The following CCDC125 variants were observed in gnomAD, a reference collection of about 807,000 sequenced individuals.
The protein encoded by CCDC125 is coiled-coil domain containing 125.
A neutral mutation model predicts 57.4 loss-of-function variants in CCDC125; 43 were observed. That is an observed-to-expected ratio of 0.75 (90% CI 0.59 to 0.97). The LOEUF (loss-of-function observed/expected upper bound fraction) is 0.97. Ranked by LOEUF, CCDC125 falls within the 50% of genes least tolerant of loss-of-function variation. CCDC125 has a pLI of 0.00. For synonymous variants in CCDC125, 187 were observed against 195.2 expected, an observed-to-expected ratio of 0.96 and a Z score of 0.35; for missense variants, 563 against 595.7, an observed-to-expected ratio of 0.95 and a Z score of 0.57.
intron 1 of CCDC125, among the ~76,000 whole-genome samples, chr5:69,325,825 C>CAAAAA (rs70992925): frequency 2.8e-5 from 1 of 35,634 alleles, no homozygotes; most frequent in African/African-American, 9.8e-5. Context: ...CCCTCTGTCT[C>CAAAAA]AAAAAAAAAA....
downstream of CCDC125, chr5:69,280,049 T>C (rs1300248934): frequency 6.6e-6 from 1 of 152,138 alleles, no homozygotes; most frequent in Non-Finnish European, 1.5e-5. Flanking sequence ...ACCACCCCCA[T>C]GATCCAGTCA....
chr5:69,315,060 A>G (rs1431300874), intron 2 of CCDC125, among the ~76,000 whole-genome samples: 1 of 152,014 alleles, frequency 6.6e-6, no homozygotes, highest in East Asian at 1.9e-4. Flanking sequence ...GTTCAAGGCC[A>G]GCTTGGCCAA....
At chr5:69,304,195 C>A (rs1166768906) in intron 6 of CCDC125, among the ~76,000 whole-genome samples, 3 of 151,382 alleles carry the variant, frequency 2.0e-5, no homozygotes, top group Non-Finnish European at 4.4e-5. Flanking sequence ...ACCTCCACCT[C>A]TTGGGTTCAA....
rs1757597870 is a variant in CCDC125, at chr5:69,307,961, GAT to G, written c.519_520del (p.Arg173SerfsTer16). On this transcript the variant is annotated frameshift_variant, in exon 5 of 12. Transcript: ENST00000396496. LOFTEE classifies it high-confidence loss of function. The stretch of plus-strand genomic sequence containing the variant: ...AAAAGCACCAAATACCTTCTCCAAG[GAT>G]CTGTTTTGTTCCATAGTTTTTTGAA... The G allele has an allele frequency of 1.9e-6, 3 of 1,612,872 alleles. No individual in the cohort carries two copies. The South Asian group carries it at 3.3e-5, about 18-fold the overall frequency.
chr5:69,275,505 T>C (rs183091519), downstream of CCDC125, among the ~76,000 whole-genome samples: 27 of 152,256 alleles, frequency 1.8e-4, no homozygotes, highest in Admixed American at 1.5e-3. Context: ...AGCTCATAAT[T>C]AGTATAGGTT....
In CCDC125 at chr5:69,309,042, A is replaced by C. The variant is rs2150499162; in HGVS notation, c.454-1014T>G. 1.3e-5 allele frequency: 2 copies of C among 152,716 alleles called. 1 individual carries two copies. The highest frequency in any genetic ancestry group is 4.1e-4 in the South Asian group (2 of 4,840). The allele number at this position is 152,716 out of a possible 1,614,324, so 9.5% of individuals were successfully genotyped here. ...GGTGGAAGAAATTTCTAAGCAGCAA[A>C]GCATTCAAGAGATGGCTTGGGTACT... On this transcript the variant is annotated intron_variant, in intron 4 of 11. Coordinates refer to ENST00000396496, the MANE Select transcript of CCDC125 (RefSeq NM_176816.5).
Position 69,320,504 on chromosome 5 carries a change from C to T in CCDC125, c.37G>A (p.Val13Met), listed in dbSNP as rs10471774. Residue 13 changes from valine to methionine, a missense_variant, in exon 2 of 12, where the codon GTG becomes ATG. Coordinates refer to ENST00000396496, the MANE Select transcript of CCDC125 (RefSeq NM_176816.5). Reference sequence around the variant, plus strand: ...TCCTCTTCTGTTTCCCAGAGCTGCACGTCTGACTCACTTGATGATCTTGCC... The same window carrying T: ...TCCTCTTCTGTTTCCCAGAGCTGCATGTCTGACTCACTTGATGATCTTGCC... ...KVARSSSESD[V>M]QLWETEEDDM... The T allele has an allele frequency of 0.42, 671,729 of 1,611,824 alleles. 146,430 individuals carry two copies. Among genetic ancestry groups the T allele is most frequent in the Non-Finnish European group, 0.46 (540,958 of 1,178,616 alleles).
At chr5:69,286,653 T>C (rs1753537727) in intron 10 of CCDC125, among the ~76,000 whole-genome samples, 2 of 152,194 alleles carry the variant, frequency 1.3e-5, no homozygotes, top group South Asian at 2.1e-4. Context: ...TTGATGTCCT[T>C]CTTCATCCAT....
chr5:69,313,951 A>AACTGATAAT, intron 3 of CCDC125, 34 bp downstream of exon 3: 2 of 1,496,858 alleles, frequency 1.3e-6, no homozygotes, highest in Non-Finnish European at 1.9e-6. Context: ...GACCCAGCTA[A>AACTGATAAT]ACTGATAATT....
chr5:69,316,779 C>A (rs956033087), intron 2 of CCDC125, among the ~76,000 whole-genome samples: 3 of 152,044 alleles, frequency 2.0e-5, no homozygotes, highest in African/African-American at 7.2e-5. Flanking sequence ...TCCCAAAATG[C>A]TGGGATTATA....
At chr5:69,273,858 A>G in the CCDC125 span, among the ~76,000 whole-genome samples, 7 of 152,164 alleles carry the variant, frequency 4.6e-5, no homozygotes, top group Admixed American at 3.3e-4. Flanking sequence ...CTTTTTAGCA[A>G]TGTGTGCTAT....
At chr5:69,277,763 C>G (rs936017823), downstream of CCDC125, among the ~76,000 whole-genome samples, 6 of 134,254 alleles carry the variant, frequency 4.5e-5, no homozygotes, top group African/African-American at 1.5e-4. Context: ...GGGCAAGACA[C>G]AGTCTCAAAA....
intron 1 of CCDC125, among the ~76,000 whole-genome samples, chr5:69,327,087 T>C (rs1472807027): frequency 7.6e-6 from 1 of 132,058 alleles, no homozygotes; most frequent in African/African-American, 2.8e-5. Context: ...GACTGTATAT[T>C]CTCCCACTTT....
intron 8 of CCDC125, among the ~76,000 whole-genome samples, chr5:69,297,346 C>CTT (rs1755525624): frequency 6.8e-6 from 1 of 146,102 alleles, no homozygotes; most frequent in African/African-American, 2.7e-5. Flanking sequence ...TGGCCTGTGC[C>CTT]ATATTTATTT....
At chr5:69,313,801 T>G (rs1165534552) in intron 3 of CCDC125, 184 bp downstream of exon 3, 2 of 808,854 alleles carry the variant, frequency 2.5e-6, no homozygotes, top group African/African-American at 3.4e-5. Flanking sequence ...TCTCTGGTGT[T>G]GAAGACTTAC....
intron 6 of CCDC125, among the ~76,000 whole-genome samples, chr5:69,304,705 G>A (rs552273820): frequency 6.6e-6 from 1 of 152,226 alleles, no homozygotes; most frequent in South Asian, 2.1e-4. Flanking sequence ...GATTACAGGC[G>A]TGAGCCACTG....
intron 9 of CCDC125, among the ~76,000 whole-genome samples, chr5:69,293,855 T>C (rs1754896385): frequency 1.3e-5 from 2 of 152,214 alleles, no homozygotes; most frequent in Non-Finnish European, 2.9e-5. Context: ...CATGTACTAC[T>C]GTATTTGTAA....
At chr5:69,323,035 G>A (rs548264854) in intron 1 of CCDC125, among the ~76,000 whole-genome samples, 175 of 151,954 alleles carry the variant, frequency 1.2e-3, no homozygotes, top group African/African-American at 4.1e-3. Context: ...GGCCTGGCGC[G>A]GTGGCTCATG....
At chr5:69,305,496 G>A (rs1757191506) in intron 6 of CCDC125, among the ~76,000 whole-genome samples, 1 of 152,276 alleles carries the variant, frequency 6.6e-6, no homozygotes, top group South Asian at 2.1e-4. Flanking sequence ...TATGTAGAGA[G>A]CCGAAAGCCA....
Sources: allele counts gnomAD v4.1 joint callset (sites outside exome capture counted in the v4.1 genomes callset), GRCh38; gene constraint gnomAD v4.1.1; transcripts MANE v1.5; gene names NCBI Gene and HGNC (gene_info 2026-07-23, HGNC 2026-07-21).